RTN4: variants seen among roughly 807,000 people sequenced by gnomAD.
RTN4 encodes reticulon-4.
RTN4 carries 32 observed loss-of-function variants against 90.4 expected under a neutral mutation model. That is an observed-to-expected ratio of 0.35 (90% CI 0.27 to 0.48). RTN4 has a LOEUF of 0.48. Ranked by LOEUF, RTN4 falls within the 20% of genes least tolerant of loss-of-function variation. The pLI, the probability that RTN4 is intolerant of heterozygous loss-of-function variation, is 0.99. For synonymous variants in RTN4, 629 were observed against 552.5 expected (o/e 1.14, Z -1.94); for missense variants, 1,706 against 1,430.2 (o/e 1.19, Z -3.11).
intron 2 of RTN4, among the ~76,000 whole-genome samples, chr2:55,057,475 G>A (rs1476008677): frequency 7.9e-5 from 12 of 152,140 alleles, no homozygotes; most frequent in Non-Finnish European, 1.6e-4. Flanking sequence ...AGGCACTTGG[G>A]TACTCAATCA....
intron 3 of RTN4, among the ~76,000 whole-genome samples, chr2:54,991,891 T>C (rs965048818): frequency 6.6e-6 from 1 of 152,232 alleles, no homozygotes; most frequent in Non-Finnish European, 1.5e-5. Flanking sequence ...TTATGGCAAC[T>C]GTATGAGAGA....
chr2:55,109,914 T>G (rs1400873094), intron 1 of RTN4, among the ~76,000 whole-genome samples: 3 of 152,008 alleles, frequency 2.0e-5, no homozygotes, highest in African/African-American at 7.3e-5. Flanking sequence ...GGGAGAAAAC[T>G]GTTTCTCTCT....
intron 3 of RTN4, among the ~76,000 whole-genome samples, chr2:55,004,897 G>C (rs1463931777): frequency 6.6e-6 from 1 of 152,138 alleles, no homozygotes; most frequent in Non-Finnish European, 1.5e-5. Context: ...AGATGGGAGT[G>C]AGGAACACTG....
intron 1 of RTN4, among the ~76,000 whole-genome samples, chr2:55,103,881 G>C (rs1435128768): frequency 6.6e-6 from 1 of 151,936 alleles, no homozygotes; most frequent in Non-Finnish European, 1.5e-5. Flanking sequence ...ATTTAGCAGA[G>C]ATGGGGTTTC....
intron 1 of RTN4, among the ~76,000 whole-genome samples, chr2:55,089,992 G>C (rs974199489): frequency 3.3e-5 from 5 of 152,348 alleles, no homozygotes; most frequent in Middle Eastern, 6.8e-3. Flanking sequence ...ACGAGGAATT[G>C]TTAAAGTTGA....
At chr2:54,973,650 C>T (rs1228086032) in intron 7 of RTN4, 29 bp from the exon 8 acceptor site, 3 of 1,580,672 alleles carry the variant, frequency 1.9e-6, no homozygotes, top group Admixed American at 1.7e-5. Context: ...GGAATTATTA[C>T]CGTTGCTAAA....
chr2:55,065,103 A>G (rs566242320), intron 2 of RTN4, among the ~76,000 whole-genome samples: 1 of 152,344 alleles, frequency 6.6e-6, no homozygotes, highest in South Asian at 2.1e-4. Flanking sequence ...TGTAGCCTGA[A>G]AAAGCCATCG....
chr2:55,058,467 G>A (rs534903111), intron 2 of RTN4, among the ~76,000 whole-genome samples: 1 of 152,306 alleles, frequency 6.6e-6, no homozygotes, highest in East Asian at 1.9e-4. Flanking sequence ...AAATTTCCAT[G>A]GTGTACATGC....
intron 1 of RTN4, among the ~76,000 whole-genome samples, chr2:55,093,927 T>A (rs921580299): frequency 6.6e-6 from 1 of 152,184 alleles, no homozygotes; most frequent in African/African-American, 2.4e-5. Flanking sequence ...TTATTCTATT[T>A]ATAAATGGAA....
chr2:55,133,256 GT>G, the RTN4 span, among the ~76,000 whole-genome samples: 1 of 152,118 alleles, frequency 6.6e-6, no homozygotes, highest in Non-Finnish European at 1.5e-5. Flanking sequence ...TACATAGTAA[GT>G]ATATTTATAT....
At chr2:55,122,230 C>T in the RTN4 span, among the ~76,000 whole-genome samples, 7 of 152,170 alleles carry the variant, frequency 4.6e-5, no homozygotes, top group African/African-American at 9.7e-5. Flanking sequence ...CCACCTGCCT[C>T]GGCCTCCCAA....
chr2:55,011,023 AATTTT>A (rs1558800833), intron 3 of RTN4, among the ~76,000 whole-genome samples: 1 of 151,988 alleles, frequency 6.6e-6, no homozygotes, highest in Non-Finnish European at 1.5e-5. Context: ...AGCAAACTAT[AATTTT>A]ATTTTATTTT....
intron 3 of RTN4, among the ~76,000 whole-genome samples, chr2:55,015,268 G>C (rs1680949563): frequency 6.6e-6 from 1 of 152,148 alleles, no homozygotes; most frequent in Non-Finnish European, 1.5e-5. Flanking sequence ...ATCAGAGTAT[G>C]GGAATAGGAA....
chr2:55,055,018 G>A (rs748671188), upstream of RTN4, among the ~76,000 whole-genome samples: 1 of 151,802 alleles, frequency 6.6e-6, no homozygotes, highest in Non-Finnish European at 1.5e-5. Flanking sequence ...AGTTAGTGTT[G>A]GATCTAAAAT....
At chr2:55,061,765 G>C (rs1668297747) in intron 2 of RTN4, among the ~76,000 whole-genome samples, 1 of 152,138 alleles carries the variant, frequency 6.6e-6, no homozygotes, top group Admixed American at 6.5e-5. Context: ...GAAGTGCTGG[G>C]AGGAGAAAGG....
At chr2:55,125,094 G>GA in the RTN4 span, among the ~76,000 whole-genome samples, 1 of 151,826 alleles carries the variant, frequency 6.6e-6, no homozygotes, top group Non-Finnish European at 1.5e-5. Context: ...CAAAACAAAA[G>GA]AAAAAAATTC....
intron 8 of RTN4, 143 bp from the exon 9 acceptor site, chr2:54,973,341 C>T: frequency 1.2e-6 from 1 of 864,926 alleles, no homozygotes; most frequent in South Asian, 1.7e-5. Flanking sequence ...ATAATTTTGC[C>T]ACCTTGGCCT....
chr2:55,101,927 T>G (rs931473601), intron 1 of RTN4, among the ~76,000 whole-genome samples: 1 of 152,132 alleles, frequency 6.6e-6, no homozygotes, highest in African/African-American at 2.4e-5. Flanking sequence ...TTCAAATATA[T>G]TCACACCTCC....
upstream of RTN4, among the ~76,000 whole-genome samples, chr2:55,053,699 A>AAC (rs886129055): frequency 3.4e-5 from 5 of 148,924 alleles, no homozygotes; most frequent in African/African-American, 1.3e-4. Flanking sequence ...AAAAAAACAA[A>AAC]AAAAAAAAGA....
Sources: gnomAD v4.1 joint callset for allele counts (sites outside exome capture counted in the v4.1 genomes callset) on GRCh38, gnomAD v4.1.1 for gene constraint, MANE v1.5 for transcripts, NCBI Gene and HGNC (gene_info 2026-07-23, HGNC 2026-07-21) for gene names.